The following CALCRL variants were observed in gnomAD, a reference collection of about 807,000 sequenced individuals.
CALCRL encodes the protein calcitonin gene-related peptide type 1 receptor.
In CALCRL, 27 loss-of-function variants were observed where a neutral mutation model predicts 60.4. The ratio of observed to expected loss-of-function variants is 0.45; its 90% CI spans 0.33 to 0.62. The LOEUF (loss-of-function observed/expected upper bound fraction) is 0.62, where lower values mean the gene tolerates loss of function less well. Among genes scored for constraint, CALCRL ranks in the 20% least tolerant of loss-of-function variants. The pLI is 0.03. For missense variants in CALCRL, 424 were observed against 540.7 expected (o/e 0.78, Z 2.14); for synonymous variants, 190 against 182.6 (o/e 1.04, Z -0.33).
chr2:187,359,852 GT>G (rs1187965901), intron 10 of CALCRL, among the ~76,000 whole-genome samples: 4 of 152,030 alleles, frequency 2.6e-5, no homozygotes, highest in Admixed American at 2.6e-4. Flanking sequence ...AATTGTGGGT[GT>G]GCGTGTGTGT....
intron 10 of CALCRL, 147 bp from the exon 11 acceptor site, chr2:187,359,419 A>G: frequency 1.7e-6 from 1 of 597,098 alleles, no homozygotes; most frequent in Non-Finnish European, 2.9e-6. Flanking sequence ...CATTATTTGT[A>G]TCATCAACAA....
intron 1 of CALCRL, among the ~76,000 whole-genome samples, chr2:187,414,888 TTA>T (rs758012053): frequency 0.084 from 2,204 of 26,328 alleles, 46 homozygotes; most frequent in African/African-American, 0.11. Flanking sequence ...TTTTTTTTTT[TTA>T]AAAAAAAAAA....
chr2:187,445,919 A>C (rs1433711305), intron 1 of CALCRL, among the ~76,000 whole-genome samples: 2 of 151,564 alleles, frequency 1.3e-5, no homozygotes, highest in African/African-American at 4.8e-5. Flanking sequence ...ATTTTAAACA[A>C]TGTTTTTGTT....
At chr2:187,415,200 C>T (rs986993299) in intron 1 of CALCRL, among the ~76,000 whole-genome samples, 1 of 152,166 alleles carries the variant, frequency 6.6e-6, no homozygotes, top group East Asian at 1.9e-4. Context: ...GAAAAGTCCA[C>T]ACTAAGTAAA....
At chr2:187,346,689 CAAAT>C (rs1260785655) in intron 14 of CALCRL, among the ~76,000 whole-genome samples, 1 of 151,378 alleles carries the variant, frequency 6.6e-6, no homozygotes, top group Admixed American at 6.6e-5. Context: ...TGTTGCCAAA[CAAAT>C]AGGTAATCTG....
chr2:187,355,145 G>A (rs549984600), intron 12 of CALCRL, among the ~76,000 whole-genome samples: 27 of 151,978 alleles, frequency 1.8e-4, no homozygotes, highest in Non-Finnish European at 2.8e-4. Context: ...ACCCTGTGAG[G>A]TATATATTCT....
chr2:187,418,527 A>T (rs907104927), intron 1 of CALCRL, among the ~76,000 whole-genome samples: 68 of 152,296 alleles, frequency 4.5e-4, no homozygotes, highest in African/African-American at 1.4e-3. Flanking sequence ...CGTGTCTTAA[A>T]TATCGACTTC....
Position 187,359,212 on chromosome 2 carries a change from T to C in CALCRL, c.842A>G (p.Asn281Ser). 1 of 1,594,134 alleles carries C rather than the reference T, an allele frequency of 6.3e-7. No homozygotes were observed. The highest frequency in any genetic ancestry group is 1.1e-5 in the South Asian group (1 of 88,604). Residue 281 changes from asparagine (N) to serine (S), a missense_variant and splice_region_variant, in exon 11 of 15, where the codon AAT (asparagine) becomes AGT (serine). By Grantham distance (46) the Asn-to-Ser change is conservative. Coordinates refer to ENST00000392370, the MANE Select transcript of CALCRL (RefSeq NM_005795.6). Reference sequence around the variant, plus strand: ...AAATAATAAAAAGAGATTTTCTTACTTGTCATTGTAATATAAGCTTCTAGC... The same window carrying C: ...AAATAATAAAAAGAGATTTTCTTACCTGTCATTGTAATATAAGCTTCTAGC... ...AIARSLYYNDNCWISSDTHLL... is the reference protein window; with the variant it reads ...AIARSLYYNDSCWISSDTHLL...
At position 187,383,109 on chromosome 2, in the gene CALCRL, T is replaced by C. The variant is rs115299608; in HGVS notation, c.184+64A>G. On this transcript the variant is annotated intron_variant, in intron 5 of 14. Coordinates refer to ENST00000392370, the MANE Select transcript of CALCRL (RefSeq NM_005795.6). Reference sequence around the variant, plus strand: ...TGGACCTAAAGCACTTATAATGATATAATGGGAGTAGTTTTCTTTTAAAAA... The same window carrying C: ...TGGACCTAAAGCACTTATAATGATACAATGGGAGTAGTTTTCTTTTAAAAA... The C allele has an allele frequency of 1.9e-3, 2,883 of 1,502,144 alleles. 54 individuals carry two copies. The African/African-American group carries it at 0.036, about 19-fold the overall frequency. The allele number at this position is 1,502,144 out of a possible 1,614,324, so 93.1% of individuals were successfully genotyped here.
At chr2:187,406,058 T>C (rs150235022) in intron 1 of CALCRL, among the ~76,000 whole-genome samples, 71 of 151,346 alleles carry the variant, frequency 4.7e-4, no homozygotes, top group African/African-American at 1.7e-3. Context: ...TAATATAAAA[T>C]AGTACCAGTG....
intron 1 of CALCRL, among the ~76,000 whole-genome samples, chr2:187,426,458 T>G (rs1393555883): frequency 6.6e-6 from 1 of 151,978 alleles, no homozygotes; most frequent in Non-Finnish European, 1.5e-5. Context: ...TAAAAAATAA[T>G]GGCAATAATT....
intron 8 of CALCRL, 51 bp from the exon 9 acceptor site, chr2:187,363,553 T>C (rs761117452): frequency 2.0e-6 from 3 of 1,494,962 alleles, no homozygotes; most frequent in Non-Finnish European, 2.7e-6. Context: ...GTTTTTTTAT[T>C]AATCATTATT....
intron 12 of CALCRL, among the ~76,000 whole-genome samples, chr2:187,358,555 C>G (rs1287817247): frequency 6.7e-6 from 1 of 150,314 alleles, no homozygotes; most frequent in Non-Finnish European, 1.5e-5. Context: ...CTATTCCTCT[C>G]TGTGCCACAG....
In CALCRL at chr2:187,352,270, G is replaced by C. The variant is rs754541479; in HGVS notation, c.972C>G (p.His324Gln). The C allele has an allele frequency of 2.5e-6, 4 of 1,612,118 alleles. No individual in the cohort carries two copies. Among genetic ancestry groups the C allele is most frequent in the Non-Finnish European group, 3.4e-6 (4 of 1,178,780 alleles). Residue 324 changes from histidine to glutamine, a missense_variant, in exon 13 of 15, where the codon CAC becomes CAG. His to Gln is a conservative substitution (Grantham distance 24). Transcript: ENST00000392370. ...TCATGTACAGATTGGATTCCGCTTG[G>C]TGTGTAACTTTTAACTTGGTGATGA... ...RVLITKLKVT[H>Q]QAESNLYMKA...
intron 5 of CALCRL, among the ~76,000 whole-genome samples, chr2:187,382,148 A>G (rs1271366617): frequency 6.6e-6 from 1 of 152,328 alleles, no homozygotes; most frequent in East Asian, 1.9e-4. Context: ...TGCAAGGTCC[A>G]GAATTTTTGA....
chr2:187,354,715 C>G (rs1044879431), intron 12 of CALCRL, among the ~76,000 whole-genome samples: 1 of 151,912 alleles, frequency 6.6e-6, no homozygotes, highest in East Asian at 1.9e-4. Context: ...TGTGGATTTT[C>G]GCTTCTTTTC....
chr2:187,344,753 A>G lies in CALCRL; in HGVS notation c.*1431T>C, dbSNP rs1283938033. 6.6e-6 allele frequency: 1 copy of G among 151,672 alleles called. No individual in the cohort carries two copies. Among genetic ancestry groups the G allele is most frequent in the East Asian group, 1.9e-4 (1 of 5,192 alleles). 9.4% of individuals were successfully genotyped at this position (151,672 alleles called of 1,614,324 possible). Reference sequence around the variant, plus strand: ...ATATAGTATCCTTCTAGTTTTTTATATTTCTTGAATAGCCTGGGACATTTC... The same window carrying G: ...ATATAGTATCCTTCTAGTTTTTTATGTTTCTTGAATAGCCTGGGACATTTC... On this transcript the variant is annotated 3_prime_UTR_variant, in exon 15 of 15. Transcript: ENST00000392370.
chr2:187,381,959 C>T (rs939378074), intron 5 of CALCRL, among the ~76,000 whole-genome samples: 1 of 152,068 alleles, frequency 6.6e-6, no homozygotes, highest in Non-Finnish European at 1.5e-5. Context: ...ATGTTTTCTG[C>T]TATGTCATTT....
Position 187,389,236 on chromosome 2 carries a change from C to A in CALCRL, c.-292-1480G>T, listed in dbSNP as rs575375610. On this transcript the variant is annotated intron_variant, in intron 1 of 14. Transcript: ENST00000392370. Reference sequence around the variant, plus strand: ...TACAGGCGCCCACCACTGCGCCTGGCTAATTTTTGTATTTTTAGTAGAGAC... The same window carrying A: ...TACAGGCGCCCACCACTGCGCCTGGATAATTTTTGTATTTTTAGTAGAGAC... Among the ~76,000 whole-genome samples the A allele has an allele frequency of 1.1e-4, 17 of 152,120 alleles. No individual in the cohort carries two copies. In the South Asian group the frequency reaches 3.5e-3, roughly 32 times the overall value.
Sources: gnomAD v4.1 joint callset for allele counts (sites outside exome capture counted in the v4.1 genomes callset) on GRCh38, gnomAD v4.1.1 for gene constraint, MANE v1.5 for transcripts, NCBI Gene and HGNC (gene_info 2026-07-23, HGNC 2026-07-21) for gene names.